The following TPO variants were observed in gnomAD, a reference collection of about 807,000 sequenced individuals.
TPO encodes thyroid peroxidase, also known as thyroid microsomal antigen.
Under a neutral mutation model 96.9 loss-of-function variants are expected in TPO, and 78 were observed. The observed-to-expected ratio is 0.81, with a 90% CI of 0.67 to 0.97. TPO has a LOEUF of 0.97. Among genes scored for constraint, TPO ranks in the 50% least tolerant of loss-of-function variants. The probability of loss-of-function intolerance (pLI) is 0.00; values close to 1 mark genes in which losing one functional copy is unlikely to be tolerated. For missense variants in TPO, 1,252 were observed against 1,274.8 expected (o/e 0.98, Z 0.27); for synonymous variants, 547 against 538.0 (o/e 1.02, Z -0.23).
chr2:1,413,613 G>A (rs896091779), intron 1 of TPO, 68 bp downstream of exon 1: 7 of 932,344 alleles, frequency 7.5e-6, no homozygotes, highest in Non-Finnish European at 9.0e-6. Flanking sequence ...TTGTAAAGTG[G>A]CCCAAGAGTG....
intron 14 of TPO, among the ~76,000 whole-genome samples, chr2:1,509,747 C>T (rs73911849): frequency 7.7e-3 from 225 of 29,190 alleles, no homozygotes; most frequent in South Asian, 0.018. Context: ...GTTTCAGGGA[C>T]ACCCCACCCC....
chr2:1,423,135 C>A lies in TPO; in HGVS notation c.179+6C>A, dbSNP rs1180772602. The A allele has an allele frequency of 1.9e-6, 3 of 1,613,214 alleles. No individual in the cohort carries two copies. The highest frequency in any genetic ancestry group is 2.7e-5 in the African/African-American group (2 of 74,922). On this transcript the variant is annotated splice_donor_region_variant and intron_variant, in intron 3 of 16. Transcript: ENST00000329066. ...ATGTACGCCACGATGCAGAGGTGAG[C>A]CTTGCGGAGGGGCCGCCGCCCCAAA...
chr2:1,540,830 C>A, intron 16 of TPO, 107 bp downstream of exon 16: 1 of 1,592,154 alleles, frequency 6.3e-7, no homozygotes, highest in Non-Finnish European at 8.5e-7. Flanking sequence ...CTGTTTACTC[C>A]GTGTTTCCTA....
At chr2:1,485,996 A>G (rs1671124546) in intron 9 of TPO, among the ~76,000 whole-genome samples, 1 of 152,136 alleles carries the variant, frequency 6.6e-6, no homozygotes, top group Non-Finnish European at 1.5e-5. Flanking sequence ...CCTGAATGGT[A>G]TTGCCTAAGT....
At chr2:1,487,084 C>T (rs1051272479) in intron 9 of TPO, among the ~76,000 whole-genome samples, 1 of 152,192 alleles carries the variant, frequency 6.6e-6, no homozygotes, top group Non-Finnish European at 1.5e-5. Flanking sequence ...GGCCGTGGGG[C>T]CTGCTTTCCA....
chr2:1,507,711 T>A (rs966086260), intron 14 of TPO, among the ~76,000 whole-genome samples: 11 of 152,086 alleles, frequency 7.2e-5, no homozygotes, highest in African/African-American at 2.7e-4. Context: ...ATAAGAATGC[T>A]TGTGATTTTT....
intron 7 of TPO, among the ~76,000 whole-genome samples, chr2:1,459,706 G>T (rs1016719196): frequency 3.3e-5 from 5 of 152,066 alleles, no homozygotes; most frequent in African/African-American, 1.2e-4. Flanking sequence ...TATCCCAAAA[G>T]GAATAATATT....
chr2:1,523,930 CCTA>C lies in TPO; in HGVS notation c.2618+6951_2618+6953del, dbSNP rs1419130039. Reference sequence around the variant, plus strand: ...CTGTAATCAACCTCCCCAAATCCCCCCTACTGTGTGCAACCTTCCCAAATCCCC... The same window carrying C: ...CTGTAATCAACCTCCCCAAATCCCCCCTGTGTGCAACCTTCCCAAATCCCC... On this transcript the variant is annotated intron_variant, in intron 15 of 16. Coordinates refer to ENST00000329066, the MANE Select transcript of TPO (RefSeq NM_001206744.2). Among the ~76,000 whole-genome samples, 11 of 126,366 alleles carry C rather than the reference CCTA, an allele frequency of 8.7e-5. No homozygotes were observed. The South Asian group carries it at 3.3e-3, about 37-fold the overall frequency. The allele number at this position is 126,366 out of a possible 152,430, so 82.9% of individuals were successfully genotyped here.
At position 1,436,340 on chromosome 2, in the gene TPO, C is replaced by T. The variant is rs1483767054; in HGVS notation, c.438C>T (p.Cys146=). The T allele has an allele frequency of 2.5e-6, 4 of 1,614,084 alleles. No individual in the cohort carries two copies. The highest frequency in any genetic ancestry group is 2.5e-6 in the Non-Finnish European group (3 of 1,180,038). ...YMLPPKCPNT[C]LANKYRPITG... ...TGCCCCCAAAATGCCCAAACACTTG[C>T]CTGGCGAACAAATACAGGCCCATCA... is the stretch of plus-strand genomic sequence containing the variant. Residue 146 remains cysteine, a synonymous_variant, in exon 5 of 17, where the codon TGC becomes TGT. Transcript: ENST00000329066.
chr2:1,468,115 G>A (rs1402272959), intron 7 of TPO, among the ~76,000 whole-genome samples: 1 of 151,840 alleles, frequency 6.6e-6, no homozygotes, highest in Non-Finnish European at 1.5e-5. Context: ...GGCAGCAGAT[G>A]GTTGGTGAAT....
chr2:1,509,682 A>T (rs1294517673), intron 14 of TPO, among the ~76,000 whole-genome samples: 36 of 90,710 alleles, frequency 4.0e-4, no homozygotes, highest in African/African-American at 1.7e-3. Context: ...GGCAAACCAC[A>T]CTCTCTGGTT....
Position 1,477,405 on chromosome 2 carries a change from G to A in TPO, c.1139G>A (p.Gly380Asp), listed in dbSNP as rs1212315494. The change falls in exon 8 of 17, where the codon GGC (glycine) becomes GAC (aspartate). Residue 380 changes from glycine to aspartate, a missense_variant. Coordinates refer to ENST00000329066, the MANE Select transcript of TPO (RefSeq NM_001206744.2). Reference sequence around the variant, plus strand: ...CCTGCGGCCTGTGCGCCCGAGCCCGGCATCCCCGGAGAGACCCGCGGGCCC... The same window carrying A: ...CCTGCGGCCTGTGCGCCCGAGCCCGACATCCCCGGAGAGACCCGCGGGCCC... ...RAPAACAPEPGIPGETRGPCF... is the reference protein window; with the variant it reads ...RAPAACAPEPDIPGETRGPCF... 6.6e-7 allele frequency: 1 copy of A among 1,524,682 alleles called. No individual in the cohort carries two copies. Among genetic ancestry groups the A allele is most frequent in the Non-Finnish European group, 8.8e-7 (1 of 1,139,246 alleles). The allele number at this position is 1,524,682 out of a possible 1,614,324, so 94.4% of individuals were successfully genotyped here. A position where few individuals can be genotyped will look rare whatever the true frequency, so the allele number is the denominator to read the frequency against.
intron 14 of TPO, among the ~76,000 whole-genome samples, chr2:1,512,127 G>A (rs1444042181): frequency 6.6e-6 from 1 of 151,850 alleles, no homozygotes; most frequent in African/African-American, 2.4e-5. Flanking sequence ...TCCACCTCCC[G>A]GGTTCACGCC....
chr2:1,423,544 A>G (rs1664011261), intron 3 of TPO, among the ~76,000 whole-genome samples: 1 of 152,176 alleles, frequency 6.6e-6, no homozygotes, highest in African/African-American at 2.4e-5. Context: ...GCTCTCCCCC[A>G]TTTTTGAAAT....
At chr2:1,440,048 A>G (rs1230563721) in intron 5 of TPO, among the ~76,000 whole-genome samples, 6 of 151,754 alleles carry the variant, frequency 4.0e-5, no homozygotes, top group East Asian at 3.9e-4. Context: ...CCCCACCCAC[A>G]CCTTCCCATC....
Position 1,473,769 on chromosome 2 carries a change from A to C in TPO, c.820-3317A>C, listed in dbSNP as rs75409602. ...TTGATCAACTTTTTTGTCATTATGA[A>C]AGGGATTTTTTTTTCTCCATTACCA... On this transcript the variant is annotated intron_variant, in intron 7 of 16. Transcript: ENST00000329066. 2.3e-3 allele frequency among the ~76,000 whole-genome samples: 347 copies of C among 152,174 alleles called. 13 individuals carry two copies. The East Asian group carries it at 0.062, about 27-fold the overall frequency.
In TPO at chr2:1,421,480, C is replaced by T. The variant is rs28910008; in HGVS notation, c.95-1565C>T. Among the ~76,000 whole-genome samples the T allele has an allele frequency of 5.3e-5, 8 of 152,322 alleles. No homozygotes were observed. In the East Asian group the frequency reaches 1.4e-3, roughly 26 times the overall value. ...GTCTCACTCCAGAGCCCATGGCCGT[C>T]ACCCCTCTGCCACTTAAGAATGCCG... is the stretch of plus-strand genomic sequence containing the variant. On this transcript the variant is annotated intron_variant, in intron 2 of 16. Coordinates refer to ENST00000329066, the MANE Select transcript of TPO (RefSeq NM_001206744.2).
chr2:1,445,223 T>A (rs1000682606), intron 5 of TPO, among the ~76,000 whole-genome samples: 1 of 138,818 alleles, frequency 7.2e-6, no homozygotes, highest in African/African-American at 2.7e-5. Flanking sequence ...AGTCACCATG[T>A]TGGAAGGGAA....
chr2:1,435,223 G>A (rs28909382), intron 4 of TPO, among the ~76,000 whole-genome samples: 3,480 of 152,250 alleles, frequency 0.023, 115 homozygotes, highest in East Asian at 0.12. Context: ...GTGAGCCACC[G>A]TACCCGGCCA....
Sources: gnomAD v4.1 joint callset for allele counts (sites outside exome capture counted in the v4.1 genomes callset) on GRCh38, gnomAD v4.1.1 for gene constraint, MANE v1.5 for transcripts, NCBI Gene and HGNC (gene_info 2026-07-23, HGNC 2026-07-21) for gene names.